The following ASCC3 variants were observed in gnomAD, a reference collection of about 807,000 sequenced individuals.
ASCC3 encodes activating signal cointegrator 1 complex subunit 3, also known as ASC-1 complex subunit P200.
Under a neutral mutation model 256.3 loss-of-function variants are expected in ASCC3, and 158 were observed. The ratio of observed to expected loss-of-function variants is 0.62; its 90% CI spans 0.54 to 0.70. The LOEUF (loss-of-function observed/expected upper bound fraction) is 0.70. Among genes scored for constraint, ASCC3 ranks in the 30% least tolerant of loss-of-function variants. ASCC3 has a pLI of 0.00. For missense variants in ASCC3, 2,259 were observed against 2,626.0 expected (o/e 0.86, Z 3.05); for synonymous variants, 948 against 883.4 (o/e 1.07, Z -1.30).
rs908181320 is a variant in ASCC3 at position 100,756,182 on chromosome 6, A to G, written c.1737+10383T>C. On this transcript the variant is annotated intron_variant, in intron 10 of 41. Coordinates refer to ENST00000369162, the MANE Select transcript of ASCC3 (RefSeq NM_006828.4). Reference sequence around the variant, plus strand: ...ATTTTCACTTGGCCAAAATTTTGTTATGACAAATGGTATTTCCAAATAATT... The same window carrying G: ...ATTTTCACTTGGCCAAAATTTTGTTGTGACAAATGGTATTTCCAAATAATT... 2.0e-5 allele frequency among the ~76,000 whole-genome samples: 3 copies of G among 151,874 alleles called. No individual in the cohort carries two copies. In the South Asian group the frequency reaches 6.2e-4, roughly 31 times the overall value.
intron 36 of ASCC3, among the ~76,000 whole-genome samples, chr6:100,588,958 C>G (rs10499031): frequency 0.078 from 11,889 of 152,030 alleles, 588 homozygotes; most frequent in East Asian, 0.15. Context: ...TATGAATATC[C>G]TAACTAATGT....
intron 4 of ASCC3, among the ~76,000 whole-genome samples, chr6:100,835,452 C>T (rs996488220): frequency 1.3e-5 from 2 of 152,020 alleles, no homozygotes; most frequent in African/African-American, 4.8e-5. Flanking sequence ...GATTTTTGTA[C>T]ATTGTGATAA....
intron 10 of ASCC3, among the ~76,000 whole-genome samples, chr6:100,745,172 C>G (rs1414510570): frequency 6.6e-6 from 1 of 152,094 alleles, no homozygotes; most frequent in African/African-American, 2.4e-5. Flanking sequence ...ACTAAAAATA[C>G]AAAAATTAGC....
intron 14 of ASCC3, among the ~76,000 whole-genome samples, chr6:100,668,987 A>C (rs1300218565): frequency 6.6e-6 from 1 of 151,682 alleles, no homozygotes; most frequent in Non-Finnish European, 1.5e-5. Flanking sequence ...TAGACATGAG[A>C]AAAAACGAAT....
chr6:100,600,859 C>T (rs114635597), intron 34 of ASCC3, among the ~76,000 whole-genome samples: 2 of 152,090 alleles, frequency 1.3e-5, no homozygotes, highest in East Asian at 1.9e-4. Context: ...CAAAACATAA[C>T]GTAATTTGGT....
At chr6:100,516,588 C>T (rs990762580) in intron 38 of ASCC3, among the ~76,000 whole-genome samples, 4 of 152,088 alleles carry the variant, frequency 2.6e-5, no homozygotes, top group African/African-American at 9.7e-5. Flanking sequence ...GGGTGTCTTT[C>T]CACAGGAAGG....
chr6:100,649,868 G>A (rs114920742), intron 20 of ASCC3, among the ~76,000 whole-genome samples: 1 of 151,362 alleles, frequency 6.6e-6, no homozygotes, highest in South Asian at 2.1e-4. Flanking sequence ...AGGATAAATA[G>A]GGTAAAATAT....
At chr6:100,779,810 G>C (rs905896134) in intron 8 of ASCC3, among the ~76,000 whole-genome samples, 2 of 152,090 alleles carry the variant, frequency 1.3e-5, no homozygotes, top group Non-Finnish European at 2.9e-5. Context: ...AAATGCATTT[G>C]AGTTGTAAAT....
intron 36 of ASCC3, among the ~76,000 whole-genome samples, chr6:100,573,459 A>G (rs1248653689): frequency 6.6e-6 from 1 of 152,162 alleles, no homozygotes; most frequent in Non-Finnish European, 1.5e-5. Flanking sequence ...ACATTTAAGC[A>G]GAAGCCAATT....
At chr6:100,560,748 A>AACACACACACAC (rs747539213) in intron 36 of ASCC3, among the ~76,000 whole-genome samples, 223 of 133,932 alleles carry the variant, frequency 1.7e-3, no homozygotes, top group Admixed American at 7.1e-3. Flanking sequence ...ATCTTAGAGG[A>AACACACACACAC]ACACACACAC....
chr6:100,516,251 C>A lies in ASCC3; in HGVS notation c.6004G>T (p.Ala2002Ser). Residue 2002 changes from alanine to serine, a missense_variant, in exon 39 of 42, where the codon GCC becomes TCC. Ala to Ser is a moderately conservative substitution (Grantham distance 99). This residue lies in a region of ASCC3 where 1,839 missense variants were observed against 2,206.7 expected (regional missense o/e 0.83). Transcript: ENST00000369162. Reference sequence around the variant, plus strand: ...AATACATGGTCTTTCCCTCCACAGGCATGGATCAGTTCAGGAAGGGACTCG... The same window carrying A: ...AATACATGGTCTTTCCCTCCACAGGAATGGATCAGTTCAGGAAGGGACTCG... ...SIESLPELIH[A>S]CGGKDHVFSS... is the part of the protein sequence containing the mutation. The A allele has an allele frequency of 6.2e-7, 1 of 1,613,776 alleles. No individual in the cohort carries two copies.
chr6:100,821,807 G>C (rs559411897), intron 4 of ASCC3, among the ~76,000 whole-genome samples: 2 of 151,850 alleles, frequency 1.3e-5, no homozygotes, highest in Admixed American at 1.3e-4. Flanking sequence ...CTGGATGACA[G>C]AGCGAGACTC....
rs33988845 is a variant in ASCC3 at position 100,516,282 on chromosome 6, G to A, written c.5973C>T (p.Thr1991=). ...TCAGTTCAGGAAGGGACTCGATGGA[G>A]GTCCGACCCCTAGCATGTGGGCCCT... ...IMKGPHARGR[T]SIESLPELIH... Residue 1991 remains threonine (T), a synonymous_variant, in exon 39 of 42, where the codon ACC becomes ACT. Coordinates refer to ENST00000369162, the MANE Select transcript of ASCC3 (RefSeq NM_006828.4). The A allele has an allele frequency of 0.043, 69,862 of 1,613,614 alleles. 1,698 individuals carry two copies. Among genetic ancestry groups the A allele is most frequent in the African/African-American group, 0.069 (5,152 of 74,964 alleles).
intron 3 of ASCC3, chr6:100,857,564 T>C (rs972530762): frequency 6.6e-6 from 1 of 152,028 alleles, no homozygotes; most frequent in Non-Finnish European, 1.5e-5. Context: ...GTACTTTTTT[T>C]CATCTGTATA....
chr6:100,847,941 C>G, intron 4 of ASCC3: 1 of 475,388 alleles, frequency 2.1e-6, no homozygotes, highest in Non-Finnish European at 3.7e-6. Context: ...GCTTACTCCT[C>G]TGCTACACTC....
intron 14 of ASCC3, among the ~76,000 whole-genome samples, chr6:100,675,218 A>C (rs960336727): frequency 1.3e-5 from 2 of 152,088 alleles, no homozygotes; most frequent in African/African-American, 4.8e-5. Flanking sequence ...CTGACAGTAA[A>C]ATTACTATAT....
rs1315554657 is a variant in ASCC3, at chr6:100,652,814, T to C, written c.2899A>G (p.Ile967Val). The change falls in exon 18 of 42, where the codon ATT becomes GTT. Residue 967 changes from isoleucine (I) to valine (V), a missense_variant. Ile to Val is a conservative substitution (Grantham distance 29). Transcript: ENST00000369162. ...VGRKLDKAQM[I>V]RFEERTGYFS... ...TATCCAGTTCGCTCCTCAAAACGAATCATCTGAGCTTTGTCTAGTTTTCGT... is the reference window on the plus strand; with the variant it reads ...TATCCAGTTCGCTCCTCAAAACGAACCATCTGAGCTTTGTCTAGTTTTCGT... 2 of 1,613,930 alleles carry C rather than the reference T, an allele frequency of 1.2e-6. No individual in the cohort carries two copies. The highest frequency in any genetic ancestry group is 1.1e-5 in the South Asian group (1 of 91,084).
At chr6:100,680,822 G>A (rs1777264199) in intron 13 of ASCC3, among the ~76,000 whole-genome samples, 1 of 150,798 alleles carries the variant, frequency 6.6e-6, no homozygotes, top group African/African-American at 2.4e-5. Context: ...TCCTCTGTTA[G>A]TTACATTTTT....
At chr6:100,859,162 T>C in intron 3 of ASCC3, 2 of 780,132 alleles carry the variant, frequency 2.6e-6, no homozygotes, top group Non-Finnish European at 2.4e-6. Flanking sequence ...CATCCTCCTC[T>C]TTTCCATCCA....
Sources: gnomAD v4.1 joint callset for allele counts (sites outside exome capture counted in the v4.1 genomes callset) on GRCh38, gnomAD v4.1.1 for gene constraint, gnomAD v4.1.1 regional missense constraint, MANE v1.5 for transcripts, NCBI Gene and HGNC (gene_info 2026-07-23, HGNC 2026-07-21) for gene names.